The following RAC1 variants were observed in gnomAD, a reference collection of about 807,000 sequenced individuals.
The protein encoded by RAC1 is Rac family small GTPase 1, also known as ras-related C3 botulinum toxin substrate 1.
A neutral mutation model predicts 25.2 loss-of-function variants in RAC1; 2 were observed. That is an observed-to-expected ratio of 0.08 (90% CI 0.03 to 0.25). The LOEUF is 0.25. Ranked by LOEUF, RAC1 falls within the 10% of genes least tolerant of loss-of-function variation. RAC1 has a pLI of 1.00. For synonymous variants in RAC1, 88 were observed against 94.0 expected, an observed-to-expected ratio of 0.94 and a Z score of 0.37; for missense variants, 50 against 235.7, an observed-to-expected ratio of 0.21 and a Z score of 5.16.
chr7:6,400,819 G>A (rs1001719257), intron 4 of RAC1, among the ~76,000 whole-genome samples: 1 of 152,066 alleles, frequency 6.6e-6, no homozygotes, highest in African/African-American at 2.4e-5. Context: ...GGGATTACAG[G>A]CATGCACCAC....
intron 3 of RAC1, among the ~76,000 whole-genome samples, chr7:6,393,963 A>G (rs1014711255): frequency 2.0e-5 from 3 of 152,150 alleles, no homozygotes; most frequent in Admixed American, 1.3e-4. Context: ...CCTAAGAAGA[A>G]CTGGATCTGG....
chr7:6,400,292 G>T, intron 4 of RAC1, 104 bp downstream of exon 4: 3 of 1,212,654 alleles, frequency 2.5e-6, no homozygotes, highest in South Asian at 1.3e-5. Flanking sequence ...TATTTAAATT[G>T]GTTTTAGCAA....
intron 3 of RAC1, chr7:6,398,855 C>T (rs997748301): frequency 3.1e-5 from 26 of 833,108 alleles, no homozygotes; most frequent in Admixed American, 1.5e-4. Flanking sequence ...TGGGGTTTTG[C>T]TTGATGAAAT....
chr7:6,391,777 T>C lies in RAC1; in HGVS notation c.108-147T>C, dbSNP rs1323956529. 3.0e-6 allele frequency: 4 copies of C among 1,315,576 alleles called. No individual in the cohort carries two copies. The East Asian group carries it at 7.6e-5, about 25-fold the overall frequency. 81.5% of individuals were successfully genotyped at this position (1,315,576 alleles called of 1,614,324 possible). A position where few individuals can be genotyped will look rare whatever the true frequency, so the allele number is the denominator to read the frequency against. ...CCCGCAAGTTTTGCCCGTGCCGCCT[T>C]CCTCCTTGTGCCTGCAGGGACATTT... On this transcript the variant is annotated intron_variant, in intron 2 of 5. Transcript: ENST00000348035.
At chr7:6,394,894 G>A (rs368054229) in intron 3 of RAC1, among the ~76,000 whole-genome samples, 3 of 151,908 alleles carry the variant, frequency 2.0e-5, no homozygotes, top group South Asian at 4.2e-4. Context: ...TTGCTCTGTC[G>A]CCCAGGCTGG....
chr7:6,381,907 C>T (rs836487), intron 1 of RAC1, among the ~76,000 whole-genome samples: 92,263 of 152,054 alleles, frequency 0.61, 30,096 homozygotes, highest in East Asian at 0.91. Flanking sequence ...CGAGGACCTT[C>T]ATGCGAGGTC....
At chr7:6,393,141 GCC>G (rs1783134354) in intron 3 of RAC1, among the ~76,000 whole-genome samples, 1 of 152,168 alleles carries the variant, frequency 6.6e-6, no homozygotes, top group African/African-American at 2.4e-5. Context: ...CTGGCTTTGA[GCC>G]CTGATTGATG....
At chr7:6,398,590 ATAAGAGG>A in intron 3 of RAC1, 2 of 1,317,040 alleles carry the variant, frequency 1.5e-6, no homozygotes, top group South Asian at 2.5e-5. Context: ...TAAAGAATCG[ATAAGAGG>A]TTATATTGAT....
chr7:6,386,081 C>T (rs1782914400), intron 1 of RAC1, among the ~76,000 whole-genome samples: 1 of 152,206 alleles, frequency 6.6e-6, no homozygotes, highest in African/African-American at 2.4e-5. Flanking sequence ...TGCCTGGCGG[C>T]ACACTGGTAA....
intron 2 of RAC1, among the ~76,000 whole-genome samples, chr7:6,390,407 C>T (rs578084925): frequency 1.3e-5 from 2 of 151,896 alleles, no homozygotes; most frequent in African/African-American, 4.8e-5. Flanking sequence ...CAAGACCAGC[C>T]TGATCAACAT....
At chr7:6,402,158 G>T in intron 5 of RAC1, 131 bp downstream of exon 5, 2 of 1,442,430 alleles carry the variant, frequency 1.4e-6, no homozygotes. Context: ...GAACCAGCTG[G>T]CAAGGCCCTG....
At chr7:6,399,265 G>C (rs1562469850) in intron 3 of RAC1, among the ~76,000 whole-genome samples, 1 of 152,220 alleles carries the variant, frequency 6.6e-6, no homozygotes, top group African/African-American at 2.4e-5. Context: ...TTCCCTTTCA[G>C]GTACAAGGTA....
At position 6,403,117 on chromosome 7, in the gene RAC1, C is replaced by G; in HGVS notation, c.*671C>G. The G allele has an allele frequency of 4.7e-6, 1 of 212,476 alleles. No homozygotes were observed. Among genetic ancestry groups the G allele is most frequent in the East Asian group, 7.0e-5 (1 of 14,186 alleles). The allele number at this position is 212,476 out of a possible 1,614,324, so 13.2% of individuals were successfully genotyped here. ...TCCTCTAATGAAGAATTCTGTTTAG[C>G]TGTGGGTGTGCCGGGTGGGGTGTGT... On this transcript the variant is annotated 3_prime_UTR_variant, in exon 6 of 6. Coordinates refer to ENST00000348035, the MANE Select transcript of RAC1 (RefSeq NM_006908.5).
At chr7:6,397,193 A>G (rs1220180519) in intron 3 of RAC1, among the ~76,000 whole-genome samples, 37 of 145,162 alleles carry the variant, frequency 2.5e-4, no homozygotes, top group African/African-American at 9.0e-4. Context: ...GTGAGCCGAG[A>G]TCGCGCCACT....
At chr7:6,392,992 G>T (rs1783130399) in intron 3 of RAC1, among the ~76,000 whole-genome samples, 1 of 152,212 alleles carries the variant, frequency 6.6e-6, no homozygotes, top group Non-Finnish European at 1.5e-5. Context: ...TCAGTGTGCG[G>T]GTGGGTCGGC....
Position 6,402,526 on chromosome 7 carries a change from A to AAAAAAAAAAAAAAAAAC in RAC1, c.*91_*92insAAAAACAAAAAAAAAAA, listed in dbSNP as rs1562471619. The AAAAAAAAAAAAAAAAAC allele has an allele frequency of 1.3e-5, 9 of 703,978 alleles. No individual in the cohort carries two copies. Among genetic ancestry groups the AAAAAAAAAAAAAAAAAC allele is most frequent in the Admixed American group, 6.8e-5 (1 of 14,662 alleles). 43.6% of individuals were successfully genotyped at this position (703,978 alleles called of 1,614,324 possible). Reference sequence around the variant, plus strand: ...TCAAAAAAAAACAAAAAAAAAAAACAAAAAAAAAAAACAACGGTGGAGCCT... The same window carrying AAAAAAAAAAAAAAAAAC: ...TCAAAAAAAAACAAAAAAAAAAAACAAAAAAAAAAAAAAAAACAAAAAAAAAAACAACGGTGGAGCCT... On this transcript the variant is annotated 3_prime_UTR_variant, in exon 6 of 6. Coordinates refer to ENST00000348035, the MANE Select transcript of RAC1 (RefSeq NM_006908.5).
chr7:6,392,114 A>G (rs905296530), intron 3 of RAC1, 73 bp downstream of exon 3: 1 of 1,598,556 alleles, frequency 6.3e-7, no homozygotes, highest in Non-Finnish European at 8.6e-7. Context: ...AGTGCATGTT[A>G]CCTATGGACT....
At chr7:6,388,535 G>T (rs1358748237) in intron 2 of RAC1, among the ~76,000 whole-genome samples, 1 of 151,732 alleles carries the variant, frequency 6.6e-6, no homozygotes, top group Non-Finnish European at 1.5e-5. Flanking sequence ...AGTAGAGACG[G>T]GTTTCACCAT....
intron 4 of RAC1, chr7:6,401,651 C>T: frequency 2.4e-6 from 1 of 416,130 alleles, no homozygotes; most frequent in Non-Finnish European, 4.3e-6. Flanking sequence ...TGGTTCTGTC[C>T]AGCCATGATC....
Sources: allele counts gnomAD v4.1 joint callset (sites outside exome capture counted in the v4.1 genomes callset), GRCh38; gene constraint gnomAD v4.1.1; transcripts MANE v1.5; gene names NCBI Gene and HGNC (gene_info 2026-07-23, HGNC 2026-07-21).